The following TOX variants were observed in gnomAD, a reference collection of about 807,000 sequenced individuals.
TOX encodes thymocyte selection associated high mobility group box.
Under a neutral mutation model 53.7 loss-of-function variants are expected in TOX, and 11 were observed. The observed-to-expected ratio is 0.20, with a 90% CI of 0.13 to 0.34. TOX has a LOEUF of 0.34. Ranked by LOEUF, TOX falls within the 10% of genes least tolerant of loss-of-function variation. The pLI is 1.00. For synonymous variants in TOX, 225 were observed against 245.3 expected (o/e 0.92, Z 0.77); for missense variants, 570 against 664.6 (o/e 0.86, Z 1.56).
At chr8:59,041,905 T>C (rs2129420767) in intron 1 of TOX, among the ~76,000 whole-genome samples, 1 of 152,362 alleles carries the variant, frequency 6.6e-6, no homozygotes, top group Admixed American at 6.5e-5. Flanking sequence ...CTTAATCTGT[T>C]GATTTATAAT....
At chr8:59,071,705 G>A (rs1384445056) in intron 1 of TOX, among the ~76,000 whole-genome samples, 2 of 152,114 alleles carry the variant, frequency 1.3e-5, no homozygotes, top group African/African-American at 4.8e-5. Flanking sequence ...CTTTATCCAG[G>A]TAAGTAGATT....
intron 1 of TOX, among the ~76,000 whole-genome samples, chr8:59,105,112 A>G (rs1434559006): frequency 2.0e-5 from 3 of 152,160 alleles, no homozygotes; most frequent in African/African-American, 4.8e-5. Flanking sequence ...AGCGCATTCC[A>G]AATTTTTTTT....
intron 5 of TOX, among the ~76,000 whole-genome samples, chr8:58,832,892 T>G (rs748172123): frequency 6.6e-6 from 1 of 152,190 alleles, no homozygotes; most frequent in African/African-American, 2.4e-5. Context: ...ATGGCTAATA[T>G]CCTTGGATAT....
intron 3 of TOX, among the ~76,000 whole-genome samples, chr8:58,867,170 T>C (rs1364087569): frequency 1.3e-5 from 2 of 152,220 alleles, no homozygotes; most frequent in Non-Finnish European, 2.9e-5. Flanking sequence ...AAAACACTCT[T>C]GGCAAAGACA....
chr8:59,094,822 A>G (rs1804687459), intron 1 of TOX, among the ~76,000 whole-genome samples: 1 of 152,154 alleles, frequency 6.6e-6, no homozygotes, highest in Non-Finnish European at 1.5e-5. Flanking sequence ...ACATTTCCAT[A>G]TGCAACCCTA....
intron 2 of TOX, among the ~76,000 whole-genome samples, chr8:58,958,869 G>A (rs1812752521): frequency 6.6e-6 from 1 of 152,162 alleles, no homozygotes; most frequent in South Asian, 2.1e-4. Flanking sequence ...TCTGTTTTGA[G>A]TTAAGTATGA....
intron 1 of TOX, among the ~76,000 whole-genome samples, chr8:58,962,930 G>A (rs1246653979): frequency 6.6e-6 from 1 of 152,220 alleles, no homozygotes; most frequent in East Asian, 1.9e-4. Context: ...GTGTGTCCAT[G>A]AGGGTGTTTC....
At chr8:58,907,713 C>A (rs1464196458) in intron 3 of TOX, among the ~76,000 whole-genome samples, 1 of 152,158 alleles carries the variant, frequency 6.6e-6, no homozygotes, top group Non-Finnish European at 1.5e-5. Context: ...CCCTCCTAGT[C>A]CAGTATCAGT....
chr8:59,037,011 G>A (rs1814472651), intron 1 of TOX, among the ~76,000 whole-genome samples: 1 of 152,150 alleles, frequency 6.6e-6, no homozygotes, highest in Admixed American at 6.5e-5. Flanking sequence ...TGGAATGCGT[G>A]TCAAGAGCTG....
chr8:58,940,183 G>T (rs1392537151), intron 2 of TOX, among the ~76,000 whole-genome samples: 2 of 152,100 alleles, frequency 1.3e-5, no homozygotes, highest in Non-Finnish European at 2.9e-5. Context: ...TTTCCAATAA[G>T]ATTTACTTGA....
At chr8:58,887,689 T>C (rs889685444) in intron 3 of TOX, among the ~76,000 whole-genome samples, 2 of 152,068 alleles carry the variant, frequency 1.3e-5, no homozygotes, top group Non-Finnish European at 2.9e-5. Flanking sequence ...TCAGTTCTAC[T>C]GTTTTTCTGT....
rs1812398562 is a variant in TOX, at chr8:58,939,477, G to T, written c.236C>A (p.Pro79Gln). The T allele has an allele frequency of 6.2e-7, 1 of 1,614,178 alleles. No homozygotes were observed. Among genetic ancestry groups the T allele is most frequent in the African/African-American group, 1.3e-5 (1 of 75,046 alleles). ...ATTCAGGTGCACCAGCGAGTGGTCT[G>T]GGAGGGAAGGAGGAGTAATTGGTGG... Reference protein sequence around the residue: ...NIPPITPPSLPDHSLVHLNEV... With the variant: ...NIPPITPPSLQDHSLVHLNEV... The change falls in exon 3 of 9, where the codon CCA becomes CAA. Residue 79 changes from proline to glutamine, a missense_variant. Transcript: ENST00000361421.
chr8:58,852,519 T>C lies in TOX; in HGVS notation c.412-714A>G, dbSNP rs117735587. On this transcript the variant is annotated intron_variant, in intron 3 of 8. Transcript: ENST00000361421. ...GGTTTTTAGCCTTAATGAGACTCAC[T>C]CTTGTAATTCAAGCAATGAATTTTG... Among the ~76,000 whole-genome samples, 28 of 152,346 alleles carry C rather than the reference T, an allele frequency of 1.8e-4. No homozygotes were observed. In the East Asian group the frequency reaches 5.2e-3, roughly 28 times the overall value.
intron 3 of TOX, among the ~76,000 whole-genome samples, chr8:58,910,953 T>C (rs1447069321): frequency 6.6e-6 from 1 of 152,192 alleles, no homozygotes; most frequent in East Asian, 1.9e-4. Flanking sequence ...CCAAAGATAC[T>C]TCCTTTCCTA....
chr8:59,020,256 C>A (rs1342230135), intron 1 of TOX, among the ~76,000 whole-genome samples: 1 of 152,188 alleles, frequency 6.6e-6, no homozygotes, highest in Non-Finnish European at 1.5e-5. Flanking sequence ...TGCAGGCCCA[C>A]AGAGTCATTC....
intron 1 of TOX, among the ~76,000 whole-genome samples, chr8:59,018,192 C>T (rs1814051038): frequency 1.3e-5 from 2 of 152,098 alleles, no homozygotes; most frequent in South Asian, 4.1e-4. Context: ...AATCGACAGT[C>T]CTATTTTATA....
At chr8:58,974,013 G>T (rs1813049292) in intron 1 of TOX, among the ~76,000 whole-genome samples, 1 of 152,086 alleles carries the variant, frequency 6.6e-6, no homozygotes, top group South Asian at 2.1e-4. Context: ...GACCAGGCTG[G>T]TCTTGAACTC....
At chr8:58,973,258 C>G (rs1051216643) in intron 1 of TOX, among the ~76,000 whole-genome samples, 21 of 152,222 alleles carry the variant, frequency 1.4e-4, no homozygotes, top group Admixed American at 2.6e-4. Context: ...TTACAGGATC[C>G]CATTATATTC....
At chr8:59,102,959 C>T (rs1804831793) in intron 1 of TOX, among the ~76,000 whole-genome samples, 1 of 152,124 alleles carries the variant, frequency 6.6e-6, no homozygotes, top group Non-Finnish European at 1.5e-5. Context: ...TCCAAATTCG[C>T]TTCATGTTAG....
Sources: allele counts gnomAD v4.1 joint callset (sites outside exome capture counted in the v4.1 genomes callset), GRCh38; gene constraint gnomAD v4.1.1; transcripts MANE v1.5; gene names NCBI Gene and HGNC (gene_info 2026-07-23, HGNC 2026-07-21).